TMCO4: variants seen among roughly 807,000 people sequenced by gnomAD.
The protein encoded by TMCO4 is transmembrane and coiled-coil domain-containing protein 4.
In TMCO4, 58 loss-of-function variants were observed where a neutral mutation model predicts 64.7. The observed-to-expected ratio is 0.90, with a 90% confidence interval of 0.73 to 1.12. TMCO4 has a LOEUF of 1.12. Among genes scored for constraint, TMCO4 ranks in the 50% most tolerant of loss-of-function variants. The pLI is 0.00. For missense variants in TMCO4, 780 were observed against 825.9 expected (o/e 0.94, Z 0.68); for synonymous variants, 325 against 346.1 (o/e 0.94, Z 0.68).
At chr1:19,690,344 G>C (rs146744964) in intron 15 of TMCO4, among the ~76,000 whole-genome samples, 1 of 152,160 alleles carries the variant, frequency 6.6e-6, no homozygotes, top group Non-Finnish European at 1.5e-5. Flanking sequence ...ATACACCACC[G>C]TCTATTGGGC....
rs933099264 is a variant in TMCO4 at position 19,757,253 on chromosome 1, T to C, written c.383-1487A>G. ...ATTCAAATTTAGCATCTTACGGTTC[T>C]GAAGGCCGGATATTCTAAAATCACA... On this transcript the variant is annotated intron_variant, in intron 6 of 15. Transcript: ENST00000294543. Among the ~76,000 whole-genome samples the C allele has an allele frequency of 2.6e-5, 4 of 152,250 alleles. No homozygotes were observed. In the East Asian group the frequency reaches 7.7e-4, roughly 29 times the overall value.
At chr1:19,749,485 G>A (rs1368741694) in intron 7 of TMCO4, among the ~76,000 whole-genome samples, 6 of 151,808 alleles carry the variant, frequency 4.0e-5, no homozygotes, top group Admixed American at 6.6e-5. Context: ...CTCCCACCTC[G>A]GCCTCCCATG....
Position 19,771,308 on chromosome 1 carries a change from C to G in TMCO4, c.354G>C (p.Gln118His). The G allele has an allele frequency of 6.2e-7, 1 of 1,613,628 alleles. No homozygotes were observed. The part of the protein sequence containing the change: ...ILKDDPTVIT[Q>H]DLLSFSLKDG... ...AGCCACCACCAGGTGTTGGGTGTAC[C>G]TGAGTGATCACCGTCGGGTCGTCCT... The change falls in exon 5 of 16, where the codon CAG (glutamine) becomes CAC (histidine). Residue 118 changes from glutamine (Q) to histidine (H), a missense_variant and splice_region_variant. Physicochemically the swap from Gln to His is conservative, Grantham distance 24. Coordinates refer to ENST00000294543, the MANE Select transcript of TMCO4 (RefSeq NM_181719.7).
At chr1:19,757,859 T>G (rs2100953778) in intron 6 of TMCO4, among the ~76,000 whole-genome samples, 1 of 152,354 alleles carries the variant, frequency 6.6e-6, no homozygotes, top group Middle Eastern at 3.4e-3. Flanking sequence ...GGTCAAATTC[T>G]TTGTGACTCA....
intron 15 of TMCO4, among the ~76,000 whole-genome samples, chr1:19,693,947 G>A (rs141252567): frequency 6.6e-6 from 1 of 152,276 alleles, no homozygotes; most frequent in East Asian, 1.9e-4. Flanking sequence ...AAGAGTGAGG[G>A]CTCTGGAGGT....
chr1:19,782,695 G>T (rs532061249), intron 3 of TMCO4, among the ~76,000 whole-genome samples: 1 of 152,236 alleles, frequency 6.6e-6, no homozygotes, highest in Admixed American at 6.5e-5. Flanking sequence ...AGGAGAGAGG[G>T]GACACGCCAA....
chr1:19,769,485 T>C (rs1246167757), intron 6 of TMCO4, among the ~76,000 whole-genome samples: 3 of 152,164 alleles, frequency 2.0e-5, no homozygotes, highest in Non-Finnish European at 4.4e-5. Flanking sequence ...GAAATTCTGC[T>C]CTTCCTCCTC....
intron 2 of TMCO4, among the ~76,000 whole-genome samples, chr1:19,788,990 G>A (rs1237983857): frequency 6.6e-6 from 1 of 151,674 alleles, no homozygotes; most frequent in Non-Finnish European, 1.5e-5. Flanking sequence ...CAGGAGAATG[G>A]CGTGAACCCG....
chr1:19,711,168 T>C (rs2095329212), intron 13 of TMCO4, among the ~76,000 whole-genome samples: 1 of 152,224 alleles, frequency 6.6e-6, no homozygotes, highest in Non-Finnish European at 1.5e-5. Flanking sequence ...CATGCCTCAT[T>C]TTATTGCATT....
At chr1:19,717,602 C>T (rs1191815470) in intron 13 of TMCO4, among the ~76,000 whole-genome samples, 1 of 152,212 alleles carries the variant, frequency 6.6e-6, no homozygotes, top group Non-Finnish European at 1.5e-5. Flanking sequence ...CAGTCACTGG[C>T]CCTTCCCAGC....
chr1:19,693,140 T>C (rs1306990705), intron 15 of TMCO4, among the ~76,000 whole-genome samples: 1 of 111,174 alleles, frequency 9.0e-6, no homozygotes, highest in Non-Finnish European at 1.7e-5. Flanking sequence ...GCCACTGCAC[T>C]CCAGCCTGAG....
At chr1:19,748,233 G>C (rs1254550444) in intron 7 of TMCO4, among the ~76,000 whole-genome samples, 1 of 152,228 alleles carries the variant, frequency 6.6e-6, no homozygotes, top group African/African-American at 2.4e-5. Context: ...AGTGCTCAGC[G>C]CAACTGGGGC....
At chr1:19,757,334 T>C (rs1015269216) in intron 6 of TMCO4, among the ~76,000 whole-genome samples, 1 of 152,180 alleles carries the variant, frequency 6.6e-6, no homozygotes, top group Admixed American at 6.5e-5. Flanking sequence ...TTTCCTTGGC[T>C]TGTGGCCCCT....
chr1:19,786,704 A>C, intron 3 of TMCO4, among the ~76,000 whole-genome samples: 1 of 152,230 alleles, frequency 6.6e-6, no homozygotes, highest in East Asian at 1.9e-4. Context: ...TCTTGGTACT[A>C]TATTTGCAAC....
intron 11 of TMCO4, 78 bp from the exon 12 acceptor site, chr1:19,740,038 C>G: frequency 6.7e-7 from 1 of 1,496,018 alleles, no homozygotes; most frequent in Non-Finnish European, 9.0e-7. Context: ...CTAACAGATG[C>G]TCAAATAAAT....
At chr1:19,769,156 G>A (rs565209402) in intron 6 of TMCO4, among the ~76,000 whole-genome samples, 19 of 152,226 alleles carry the variant, frequency 1.2e-4, no homozygotes, top group Non-Finnish European at 2.4e-4. Flanking sequence ...GGAGACAAAC[G>A]CTAGGATTCC....
chr1:19,777,333 G>A lies in TMCO4; in HGVS notation c.179+3247C>T, dbSNP rs2043254097. Among the ~76,000 whole-genome samples, 3 of 147,888 alleles carry A rather than the reference G, an allele frequency of 2.0e-5. No individual in the cohort carries two copies. The South Asian group carries it at 6.4e-4, about 32-fold the overall frequency. On this transcript the variant is annotated intron_variant, in intron 4 of 15. Coordinates refer to ENST00000294543, the MANE Select transcript of TMCO4 (RefSeq NM_181719.7). ...GGAAGGCCAACAGAACTGTTCAGAAGCCAACCCAAAGGCCTTTTTTTTTTT... is the reference window on the plus strand; with the variant it reads ...GGAAGGCCAACAGAACTGTTCAGAAACCAACCCAAAGGCCTTTTTTTTTTT...
At chr1:19,744,796 C>T (rs2041687924) in intron 10 of TMCO4, among the ~76,000 whole-genome samples, 1 of 152,170 alleles carries the variant, frequency 6.6e-6, no homozygotes. Context: ...CAGAAACACC[C>T]TGTGCTTCCC....
intron 14 of TMCO4, among the ~76,000 whole-genome samples, chr1:19,698,426 G>C (rs1404454950): frequency 2.6e-5 from 4 of 152,220 alleles, no homozygotes; most frequent in Non-Finnish European, 5.9e-5. Flanking sequence ...TCAGGGATGT[G>C]ACAGGCAGCA....
Sources: gnomAD v4.1 joint callset for allele counts (sites outside exome capture counted in the v4.1 genomes callset) on GRCh38, gnomAD v4.1.1 for gene constraint, MANE v1.5 for transcripts, NCBI Gene and HGNC (gene_info 2026-07-23, HGNC 2026-07-21) for gene names.